Variants in PCDHGA2 observed in about 807,000 individuals in gnomAD.
PCDHGA2 encodes protocadherin gamma-A2.
PCDHGA2 carries 40 observed loss-of-function variants against 59.2 expected under a neutral mutation model. That is an observed-to-expected ratio of 0.68 (90% CI 0.52 to 0.88). The LOEUF (loss-of-function observed/expected upper bound fraction) is 0.88. PCDHGA2 is among the 40% of genes least tolerant of loss of function. The pLI, the probability that PCDHGA2 is intolerant of heterozygous loss-of-function variation, is 0.00. For missense variants in PCDHGA2, 1,226 were observed against 1,204.0 expected (o/e 1.02, Z -0.27); for synonymous variants, 560 against 526.0 (o/e 1.06, Z -0.89).
chr5:141,408,372 G>A, intron 1 of PCDHGA2: 2 of 1,614,024 alleles, frequency 1.2e-6, no homozygotes, highest in African/African-American at 1.3e-5. Flanking sequence ...CTAGGGCTCA[G>A]TGTCCTGGAT....
intron 1 of PCDHGA2, among the ~76,000 whole-genome samples, chr5:141,406,662 A>G (rs1357382326): frequency 6.6e-6 from 1 of 152,208 alleles, no homozygotes; most frequent in Non-Finnish European, 1.5e-5. Flanking sequence ...TTAATGTTAA[A>G]TTATGGAGAA....
At position 141,438,623 on chromosome 5, in the gene PCDHGA2, TATATATATATATAC is replaced by T. The variant is rs537048311; in HGVS notation, c.2425-56182_2425-56169del. Among the ~76,000 whole-genome samples the T allele has an allele frequency of 0.015, 646 of 42,812 alleles. 25 individuals are homozygous for T. In the East Asian group the frequency reaches 0.19, roughly 12 times the overall value. The allele number at this position is 42,812 out of a possible 152,430, so 28.1% of individuals were successfully genotyped here. A position where few individuals can be genotyped will look rare whatever the true frequency, so the allele number is the denominator to read the frequency against. On this transcript the variant is annotated intron_variant, in intron 1 of 3. Transcript: ENST00000394576. ...ATATATATATATATATATATATATA[TATATATATATATAC>T]ACACACACACACACATATATGTATA...
At chr5:141,465,144 T>A (rs965605798) in intron 1 of PCDHGA2, among the ~76,000 whole-genome samples, 4 of 152,008 alleles carry the variant, frequency 2.6e-5, no homozygotes, top group Admixed American at 6.6e-5. Flanking sequence ...TTAGGGGATA[T>A]ATGAAGGGAC....
In PCDHGA2 at chr5:141,423,113, C is replaced by G. The variant is rs2096710947; in HGVS notation, c.2425-71694C>G. On this transcript the variant is annotated intron_variant, in intron 1 of 3. Coordinates refer to ENST00000394576, the MANE Select transcript of PCDHGA2 (RefSeq NM_018915.4). The stretch of plus-strand genomic sequence containing the variant: ...GGGGAGCACACGGGCGAGGTGCGTA[C>G]AGCGCGGGCACTGCTGGACAGAGAC... The G allele has an allele frequency of 1.9e-6, 3 of 1,613,702 alleles. No homozygotes were observed. The highest frequency in any genetic ancestry group is 2.5e-6 in the Non-Finnish European group (3 of 1,179,992).
intron 1 of PCDHGA2, chr5:141,423,623 C>T (rs1391650851): frequency 6.2e-7 from 1 of 1,607,330 alleles, no homozygotes; most frequent in South Asian, 1.1e-5. Context: ...GAAGACTCAG[C>T]TATCATTTTA....
In PCDHGA2 at chr5:141,382,874, G is replaced by T. The variant is rs369372304; in HGVS notation, c.2424+41479G>T. On this transcript the variant is annotated intron_variant, in intron 1 of 3. Coordinates refer to ENST00000394576, the MANE Select transcript of PCDHGA2 (RefSeq NM_018915.4). ...TTCTGAAGCACTTCCCGAGATCGGC[G>T]CCTAAGCAAGAGAAGCAGGACGACT... 2.9e-4 allele frequency: 441 copies of T among 1,522,954 alleles called. 1 individual carries two copies. The highest frequency in any genetic ancestry group is 3.8e-4 in the Non-Finnish European group (430 of 1,137,240). 94.3% of individuals were successfully genotyped at this position (1,522,954 alleles called of 1,614,324 possible).
chr5:141,462,183 C>A (rs1439465872), intron 1 of PCDHGA2, among the ~76,000 whole-genome samples: 1 of 152,158 alleles, frequency 6.6e-6, no homozygotes. Flanking sequence ...TGGTCTTGAA[C>A]TCCTGACCTC....
At chr5:141,386,384 A>G (rs1033532471) in intron 1 of PCDHGA2, among the ~76,000 whole-genome samples, 6 of 152,220 alleles carry the variant, frequency 3.9e-5, no homozygotes, top group Non-Finnish European at 8.8e-5. Flanking sequence ...TATTAATTAA[A>G]AACACACTTT....
In PCDHGA2 at chr5:141,477,229, C is replaced by G. The variant is rs1376731101; in HGVS notation, c.2425-17578C>G. The G allele has an allele frequency of 6.2e-7, 1 of 1,614,222 alleles. No homozygotes were observed. The highest frequency in any genetic ancestry group is 8.5e-7 in the Non-Finnish European group (1 of 1,180,052). On this transcript the variant is annotated intron_variant, in intron 1 of 3. Transcript: ENST00000394576. This position sits in a 1 kb window ranked among gnomAD's most constrained non-coding sequence, Gnocchi z 4.9. ...AGGATGCCCCTCTGGGGACTGTCAT[C>G]GCTTTGCTCAGTGTGACTGACCTGG...
rs777439869 is a variant in PCDHGA2, at chr5:141,350,958, A to G, written c.2424+9563A>G. 5.6e-6 allele frequency: 9 copies of G among 1,613,978 alleles called. No homozygotes were observed. The highest frequency in any genetic ancestry group is 2.2e-5 in the East Asian group (1 of 44,898). ...ATCTGGATCCGAGTTACGGATGCCA[A>G]TGATAATGCTCCCGTGTTTAGCCAG... On this transcript the variant is annotated intron_variant, in intron 1 of 3. Coordinates refer to ENST00000394576, the MANE Select transcript of PCDHGA2 (RefSeq NM_018915.4).
chr5:141,375,210 C>T, intron 1 of PCDHGA2: 1 of 1,614,008 alleles, frequency 6.2e-7, no homozygotes. Context: ...GATCGAGACT[C>T]TGGCCTGAAT....
chr5:141,370,460 C>T (rs373931690), intron 1 of PCDHGA2: 1 of 1,612,562 alleles, frequency 6.2e-7, no homozygotes, highest in Non-Finnish European at 8.5e-7. Context: ...TCTTCCTGCT[C>T]TCTTTGTTAG....
intron 1 of PCDHGA2, among the ~76,000 whole-genome samples, chr5:141,492,490 G>C (rs2099741140): frequency 6.6e-6 from 1 of 152,208 alleles, no homozygotes; most frequent in Non-Finnish European, 1.5e-5. Context: ...CCAGGACCAG[G>C]CGAGGACTCC....
In PCDHGA2 at chr5:141,372,254, C is replaced by T. The variant is rs776276298; in HGVS notation, c.2424+30859C>T. The T allele has an allele frequency of 2.2e-5, 35 of 1,612,978 alleles. No homozygotes were observed. In the East Asian group the frequency reaches 7.6e-4, roughly 35 times the overall value. On this transcript the variant is annotated intron_variant, in intron 1 of 3. Transcript: ENST00000394576. ...GCGAGCCCGGGCTGTTCAGCCTGGG[C>T]CTGCGCACGGGTGAGGTGCGCACGG...
chr5:141,449,425 G>T (rs1206395356), intron 1 of PCDHGA2, among the ~76,000 whole-genome samples: 2 of 151,688 alleles, frequency 1.3e-5, no homozygotes, highest in Non-Finnish European at 2.9e-5. Context: ...TGGCCAACAT[G>T]ATAAAACTCC....
At chr5:141,480,240 CAA>C (rs11374694) in intron 1 of PCDHGA2, among the ~76,000 whole-genome samples, 8 of 114,006 alleles carry the variant, frequency 7.0e-5, no homozygotes, top group Non-Finnish European at 7.5e-5. Flanking sequence ...CCTGTCTCTA[CAA>C]AAAAAAAAAA....
chr5:141,414,330 G>A (rs1472752550), intron 1 of PCDHGA2: 2 of 1,613,714 alleles, frequency 1.2e-6, no homozygotes, highest in Non-Finnish European at 1.7e-6. Flanking sequence ...AGAATGGACA[G>A]GTAACCTGTT....
chr5:141,434,838 A>G (rs1363952147), intron 1 of PCDHGA2, among the ~76,000 whole-genome samples: 1 of 152,022 alleles, frequency 6.6e-6, no homozygotes, highest in Non-Finnish European at 1.5e-5. Context: ...GGCATTTATA[A>G]AGCAGACATC....
At chr5:141,365,434 G>C (rs770375441) in intron 1 of PCDHGA2, 7 of 1,614,020 alleles carry the variant, frequency 4.3e-6, no homozygotes, top group Non-Finnish European at 5.9e-6. Flanking sequence ...TAATCGCGCT[G>C]TTTAGCGTAC....
Sources: gnomAD v4.1 joint callset for allele counts (sites outside exome capture counted in the v4.1 genomes callset) on GRCh38, gnomAD v4.1.1 for gene constraint, Gnocchi (gnomAD v3.1) non-coding constraint, MANE v1.5 for transcripts, NCBI Gene and HGNC (gene_info 2026-07-23, HGNC 2026-07-21) for gene names.